FRAS1: variants seen among roughly 807,000 people sequenced by gnomAD.
FRAS1 encodes Fraser extracellular matrix complex subunit 1.
A neutral mutation model predicts 435.2 loss-of-function variants in FRAS1; 290 were observed. That is an observed-to-expected ratio of 0.67 (90% CI 0.61 to 0.73). FRAS1 has a LOEUF of 0.73. Ranked by LOEUF, FRAS1 falls within the 30% of genes least tolerant of loss-of-function variation. The pLI, the probability that FRAS1 is intolerant of heterozygous loss-of-function variation, is 0.00. For synonymous variants in FRAS1, 1,800 were observed against 1,851.0 expected (o/e 0.97, Z 0.71); for missense variants, 4,860 against 5,001.5 (o/e 0.97, Z 0.85).
chr4:78,117,463 A>T (rs1272812274), intron 2 of FRAS1, among the ~76,000 whole-genome samples: 1 of 152,118 alleles, frequency 6.6e-6, no homozygotes, highest in South Asian at 2.1e-4. Context: ...TCACTTTCAG[A>T]TACACCAATC....
intron 37 of FRAS1, 102 bp from the exon 38 acceptor site, chr4:78,432,255 T>C: frequency 8.5e-7 from 1 of 1,179,160 alleles, no homozygotes; most frequent in Non-Finnish European, 1.1e-6. Flanking sequence ...CCCTGAGTTA[T>C]GATCCTATAT....
At chr4:78,367,691 A>G (rs921235044) in intron 22 of FRAS1, among the ~76,000 whole-genome samples, 4 of 151,128 alleles carry the variant, frequency 2.6e-5, no homozygotes, top group Non-Finnish European at 5.9e-5. Context: ...TTCATCCTGT[A>G]TTTGTACAGT....
At position 78,521,305 on chromosome 4, in the gene FRAS1, A is replaced by T. The variant is rs1009804299; in HGVS notation, c.10541-218A>T. The stretch of plus-strand genomic sequence containing the variant: ...ACAGGTTTGAAAAGTCTATGTCAAG[A>T]ACAGTGGAACCATTACAAAAAAAAA... On this transcript the variant is annotated intron_variant, in intron 67 of 73. Transcript: ENST00000512123. 3.7e-4 allele frequency among the ~76,000 whole-genome samples: 57 copies of T among 152,288 alleles called. 1 individual carries two copies. The highest frequency in any genetic ancestry group is 1.3e-3 in the African/African-American group (56 of 41,562).
At chr4:78,411,355 G>T (rs571258648) in intron 31 of FRAS1, among the ~76,000 whole-genome samples, 1 of 151,904 alleles carries the variant, frequency 6.6e-6, no homozygotes, top group Non-Finnish European at 1.5e-5. Flanking sequence ...CAAGTGATCC[G>T]CCCACCTCGG....
chr4:78,181,559 C>T (rs957528814), intron 2 of FRAS1: 3 of 1,611,388 alleles, frequency 1.9e-6, no homozygotes, highest in Non-Finnish European at 2.5e-6. Context: ...ACCACGACCT[C>T]GAATAGGTCG....
At chr4:78,393,932 C>T (rs1732550172) in intron 29 of FRAS1, among the ~76,000 whole-genome samples, 1 of 151,890 alleles carries the variant, frequency 6.6e-6, no homozygotes, top group Admixed American at 6.6e-5. Context: ...GCCATCCTGA[C>T]AAGTGTGAGG....
chr4:78,295,417 A>C (rs1350670347), intron 14 of FRAS1, among the ~76,000 whole-genome samples: 1 of 152,236 alleles, frequency 6.6e-6, no homozygotes, highest in Non-Finnish European at 1.5e-5. Context: ...TAGGTATTAC[A>C]AGCCTTCTTA....
At chr4:78,137,312 T>C (rs755966295) in intron 2 of FRAS1, among the ~76,000 whole-genome samples, 3 of 152,194 alleles carry the variant, frequency 2.0e-5, no homozygotes, top group Non-Finnish European at 4.4e-5. Context: ...ATTTGAATAA[T>C]TCTTGTTAAA....
intron 1 of FRAS1, among the ~76,000 whole-genome samples, chr4:78,059,534 C>T (rs964742888): frequency 1.3e-5 from 2 of 150,446 alleles, no homozygotes; most frequent in Admixed American, 6.6e-5. Flanking sequence ...GCTTGTAGGG[C>T]TTGATTATAA....
chr4:78,476,689 C>T (rs1719861512), intron 54 of FRAS1, among the ~76,000 whole-genome samples: 1 of 152,108 alleles, frequency 6.6e-6, no homozygotes, highest in Admixed American at 6.5e-5. Flanking sequence ...AGACAGAAGA[C>T]TGTCAGTGTA....
chr4:78,189,725 GTC>G (rs1484826690), intron 2 of FRAS1, among the ~76,000 whole-genome samples: 1 of 152,184 alleles, frequency 6.6e-6, no homozygotes, highest in Non-Finnish European at 1.5e-5. Flanking sequence ...CAGATGGCAA[GTC>G]TCTATTTTAC....
At chr4:78,168,784 A>G (rs971173984) in intron 2 of FRAS1, among the ~76,000 whole-genome samples, 4 of 152,082 alleles carry the variant, frequency 2.6e-5, no homozygotes, top group Non-Finnish European at 5.9e-5. Flanking sequence ...TGCTTGTGGA[A>G]TGCCTCTGGA....
chr4:78,464,395 G>T, intron 48 of FRAS1, 48 bp from the exon 49 acceptor site: 1 of 1,610,596 alleles, frequency 6.2e-7, no homozygotes, highest in East Asian at 2.2e-5. Flanking sequence ...GACTTGTTGG[G>T]TAGGTGCTAG....
chr4:78,447,954 A>C, intron 43 of FRAS1, 99 bp from the exon 44 acceptor site: 2 of 1,143,000 alleles, frequency 1.7e-6, no homozygotes, highest in Middle Eastern at 3.0e-4. Context: ...TTGACATTCT[A>C]CCCAGACTCA....
chr4:78,221,612 GCTT>G (rs1724052473), intron 2 of FRAS1, among the ~76,000 whole-genome samples: 1 of 152,142 alleles, frequency 6.6e-6, no homozygotes, highest in African/African-American at 2.4e-5. Context: ...TCCTTGCCAA[GCTT>G]CATTTCATTC....
chr4:78,273,174 A>T (rs1394980697), intron 9 of FRAS1, among the ~76,000 whole-genome samples: 1 of 152,150 alleles, frequency 6.6e-6, no homozygotes, highest in Non-Finnish European at 1.5e-5. Flanking sequence ...GTATCCTGAG[A>T]CTTTGCTGAA....
intron 2 of FRAS1, among the ~76,000 whole-genome samples, chr4:78,159,905 A>G (rs1206341390): frequency 6.6e-6 from 1 of 152,130 alleles, no homozygotes; most frequent in African/African-American, 2.4e-5. Flanking sequence ...AAAACAAACC[A>G]AAGCCTAGAA....
chr4:78,252,703 T>A (rs951370431), intron 5 of FRAS1, among the ~76,000 whole-genome samples, 152 bp downstream of exon 5: 1 of 152,098 alleles, frequency 6.6e-6, no homozygotes, highest in African/African-American at 2.4e-5. Flanking sequence ...AAGAGAGGAA[T>A]TTTACAGCTG....
chr4:78,395,032 A>G (rs748251175), intron 29 of FRAS1, among the ~76,000 whole-genome samples: 6 of 151,882 alleles, frequency 4.0e-5, no homozygotes, highest in Non-Finnish European at 7.4e-5. Context: ...GGAAACACAT[A>G]TTGCATGTCG....
Sources: gnomAD v4.1 joint callset for allele counts (sites outside exome capture counted in the v4.1 genomes callset) on GRCh38, gnomAD v4.1.1 for gene constraint, MANE v1.5 for transcripts, NCBI Gene and HGNC (gene_info 2026-07-23, HGNC 2026-07-21) for gene names.